CGGBP1: variants seen among roughly 807,000 people sequenced by gnomAD.
CGGBP1 encodes the protein CGG triplet repeat binding protein 1, also known as CGG triplet repeat-binding protein 1.
CGGBP1 carries 4 observed loss-of-function variants against 11.4 expected under a neutral mutation model. The ratio of observed to expected loss-of-function variants is 0.35; its 90% CI spans 0.17 to 0.80. The LOEUF (loss-of-function observed/expected upper bound fraction) is 0.80, where lower values mean the gene tolerates loss of function less well. CGGBP1 is among the 30% of genes least tolerant of loss of function. The probability of loss-of-function intolerance (pLI) is 0.52; values close to 1 mark genes in which losing one functional copy is unlikely to be tolerated. For missense variants in CGGBP1, 135 were observed against 202.1 expected (o/e 0.67, Z 2.01); for synonymous variants, 76 against 74.1 (o/e 1.03, Z -0.13).
chr3:88,102,272 C>T (rs1040883013), intron 2 of CGGBP1, among the ~76,000 whole-genome samples: 1 of 152,164 alleles, frequency 6.6e-6, no homozygotes, highest in Non-Finnish European at 1.5e-5. Context: ...TTAGAAACCA[C>T]TATTGTGTTT....
At chr3:88,088,895 C>T (rs1708487476) in intron 2 of CGGBP1, among the ~76,000 whole-genome samples, 1 of 151,646 alleles carries the variant, frequency 6.6e-6, no homozygotes, top group Non-Finnish European at 1.5e-5. Context: ...GCCTCAGCCT[C>T]CCGAGTAGCT....
chr3:88,077,660 A>G (rs909118555), intron 2 of CGGBP1, among the ~76,000 whole-genome samples: 1 of 148,672 alleles, frequency 6.7e-6, no homozygotes, highest in African/African-American at 2.5e-5. Flanking sequence ...AAAATAACAC[A>G]TAGGAAAGAT....
chr3:88,097,362 G>GTT (rs762086335), intron 2 of CGGBP1, among the ~76,000 whole-genome samples: 9 of 143,808 alleles, frequency 6.3e-5, no homozygotes, highest in African/African-American at 1.0e-4. Context: ...TTTGTCAACA[G>GTT]TTTTTTTTTT....
intron 2 of CGGBP1, among the ~76,000 whole-genome samples, chr3:88,074,161 C>G (rs769892161): frequency 6.6e-6 from 1 of 152,044 alleles, no homozygotes; most frequent in African/African-American, 2.4e-5. Flanking sequence ...ATTAAGATCC[C>G]AAATTCTTCC....
intron 2 of CGGBP1, among the ~76,000 whole-genome samples, chr3:88,133,137 T>C (rs1261460964): frequency 2.0e-5 from 3 of 152,156 alleles, no homozygotes; most frequent in Non-Finnish European, 4.4e-5. Flanking sequence ...CTAGCCTGAC[T>C]GGGATCACTT....
At chr3:88,094,334 T>G (rs1703929245) in intron 2 of CGGBP1, among the ~76,000 whole-genome samples, 1 of 152,140 alleles carries the variant, frequency 6.6e-6, no homozygotes, top group Non-Finnish European at 1.5e-5. Flanking sequence ...GTAATTTTGG[T>G]CTTTATTGCT....
chr3:88,088,693 A>G (rs1280185868), intron 2 of CGGBP1, among the ~76,000 whole-genome samples: 1 of 150,540 alleles, frequency 6.6e-6, no homozygotes, highest in Non-Finnish European at 1.5e-5. Flanking sequence ...AGAGTTTAGA[A>G]TATATTATTT....
intron 2 of CGGBP1, among the ~76,000 whole-genome samples, chr3:88,073,220 A>G (rs2107620471): frequency 6.6e-6 from 1 of 152,318 alleles, no homozygotes; most frequent in Middle Eastern, 3.4e-3. Flanking sequence ...CTGTGGGACT[A>G]GGGTCCAGCA....
At chr3:88,057,695 T>C (rs1559679273) in intron 2 of CGGBP1, 1 of 152,218 alleles carries the variant, frequency 6.6e-6, no homozygotes, top group Non-Finnish European at 1.5e-5. Flanking sequence ...TATCTTTAAA[T>C]ATTTGGATTT....
chr3:88,096,433 G>A (rs183322135), intron 2 of CGGBP1, among the ~76,000 whole-genome samples: 2 of 152,232 alleles, frequency 1.3e-5, no homozygotes, highest in East Asian at 1.9e-4. Context: ...GGGGTAAGGG[G>A]AGAAAGACCC....
intron 2 of CGGBP1, chr3:88,138,753 C>T (rs771559548): frequency 9.9e-5 from 122 of 1,231,862 alleles, no homozygotes; most frequent in Non-Finnish European, 1.2e-4. Flanking sequence ...TGGTTGTGCT[C>T]TACAACTCGA....
At chr3:88,121,510 G>T (rs532784509) in intron 2 of CGGBP1, among the ~76,000 whole-genome samples, 5 of 152,038 alleles carry the variant, frequency 3.3e-5, no homozygotes, top group African/African-American at 1.2e-4. Flanking sequence ...TTTTATATGG[G>T]CAAGCTCAGA....
chr3:88,076,060 G>A (rs1281480486), intron 2 of CGGBP1, among the ~76,000 whole-genome samples: 1 of 152,160 alleles, frequency 6.6e-6, no homozygotes, highest in Non-Finnish European at 1.5e-5. Flanking sequence ...GTCGTTTGTG[G>A]TAACTATTCA....
At chr3:88,140,189 G>GAC (rs1707033553) in intron 2 of CGGBP1, 32 of 1,613,686 alleles carry the variant, frequency 2.0e-5, no homozygotes, top group Non-Finnish European at 2.7e-5. Context: ...AAAGTCACAG[G>GAC]ATATTTCAGG....
chr3:88,143,321 G>GT (rs1286666018), intron 1 of CGGBP1: 1 of 152,044 alleles, frequency 6.6e-6, no homozygotes, highest in Non-Finnish European at 1.5e-5. Flanking sequence ...ATTTGTTTCT[G>GT]TTATGTAGCC....
At chr3:88,106,072 C>G (rs1316151880) in intron 2 of CGGBP1, among the ~76,000 whole-genome samples, 2 of 152,178 alleles carry the variant, frequency 1.3e-5, no homozygotes, top group Non-Finnish European at 2.9e-5. Flanking sequence ...GACACCAAAC[C>G]TGTTGGCGCT....
intron 2 of CGGBP1, among the ~76,000 whole-genome samples, chr3:88,111,092 T>C (rs1236457750): frequency 6.6e-6 from 1 of 152,014 alleles, no homozygotes; most frequent in Non-Finnish European, 1.5e-5. Context: ...GTGTTGAACA[T>C]GGATTTTGAG....
At chr3:88,070,924 T>C (rs1389334063) in intron 2 of CGGBP1, among the ~76,000 whole-genome samples, 1 of 152,198 alleles carries the variant, frequency 6.6e-6, no homozygotes, top group African/African-American at 2.4e-5. Context: ...ATACTTTTTT[T>C]CTCATATATT....
intron 2 of CGGBP1, chr3:88,128,763 G>C: frequency 7.4e-7 from 1 of 1,343,656 alleles, no homozygotes; most frequent in Non-Finnish European, 1.0e-6. Context: ...AAGTTTGAGA[G>C]AATCTTTTCT....
Sources: allele counts gnomAD v4.1 joint callset (sites outside exome capture counted in the v4.1 genomes callset), GRCh38; gene constraint gnomAD v4.1.1; transcripts MANE v1.5; gene names NCBI Gene and HGNC (gene_info 2026-07-23, HGNC 2026-07-21).